C10orf143: variants seen among roughly 807,000 people sequenced by gnomAD.
C10orf143 encodes the protein uncharacterized protein C10orf143.
intron 3 of C10orf143, among the ~76,000 whole-genome samples, chr10:130,069,765 T>A (rs1309692706): frequency 1.3e-5 from 2 of 152,204 alleles, no homozygotes; most frequent in African/African-American, 4.8e-5. Flanking sequence ...CATGAGTCAC[T>A]GTGGTCAGCC....
chr10:130,077,142 G>C (rs1861131236), intron 3 of C10orf143, among the ~76,000 whole-genome samples: 1 of 152,074 alleles, frequency 6.6e-6, no homozygotes, highest in African/African-American at 2.4e-5. Context: ...TGTAACAATG[G>C]TTACAATACG....
At chr10:130,054,209 A>G (rs1403983459) in intron 3 of C10orf143, among the ~76,000 whole-genome samples, 1 of 152,154 alleles carries the variant, frequency 6.6e-6, no homozygotes, top group Non-Finnish European at 1.5e-5. Context: ...GGCAAGCATC[A>G]TTCTATTCTG....
chr10:130,105,526 T>A (rs1057360140), intron 1 of C10orf143, among the ~76,000 whole-genome samples: 1 of 151,734 alleles, frequency 6.6e-6, no homozygotes, highest in Non-Finnish European at 1.5e-5. Context: ...AGGTCAGGAG[T>A]TCGAGACCAG....
intron 1 of C10orf143, among the ~76,000 whole-genome samples, chr10:130,092,974 T>C (rs964340212): frequency 7.9e-5 from 12 of 152,054 alleles, no homozygotes; most frequent in East Asian, 1.9e-4. Context: ...TAGTGGGAGA[T>C]TGTAACACCC....
At chr10:130,075,391 C>T (rs770328957) in intron 3 of C10orf143, among the ~76,000 whole-genome samples, 19 of 152,162 alleles carry the variant, frequency 1.2e-4, no homozygotes, top group South Asian at 2.1e-4. Context: ...GCCAAGCTTG[C>T]GGACTACTGA....
chr10:130,060,288 T>A (rs1217031104), downstream of C10orf143, among the ~76,000 whole-genome samples: 1 of 152,168 alleles, frequency 6.6e-6, no homozygotes, highest in South Asian at 2.1e-4. Flanking sequence ...CAGCACAACT[T>A]CTAGAATGTT....
At position 130,089,271 on chromosome 10, in the gene C10orf143, T is replaced by C. The variant is rs113187245; in HGVS notation, c.70-9370A>G. ...CCAAGCACACTGTAAACCTAAGTTA[T>C]AGTCCTGAATAAATTAAGGATCTTA... is the stretch of plus-strand genomic sequence containing the variant. On this transcript the variant is annotated intron_variant, in intron 1 of 3. Transcript: ENST00000637128. Among the ~76,000 whole-genome samples the C allele has an allele frequency of 5.6e-4, 86 of 152,346 alleles. 1 individual carries two copies. The highest frequency in any genetic ancestry group is 1.9e-3 in the African/African-American group (80 of 41,594).
At chr10:130,077,621 C>T (rs1402094847) in intron 3 of C10orf143, among the ~76,000 whole-genome samples, 1 of 152,246 alleles carries the variant, frequency 6.6e-6, no homozygotes, top group African/African-American at 2.4e-5. Flanking sequence ...TTAATAAAGT[C>T]TTCTGAAATT....
intron 3 of C10orf143, among the ~76,000 whole-genome samples, chr10:130,052,612 G>A (rs1180459501): frequency 2.6e-5 from 4 of 152,176 alleles, no homozygotes; most frequent in East Asian, 1.9e-4. Context: ...CCCTCACCTT[G>A]TCATCATAGA....
At chr10:130,052,909 A>T (rs1056524194) in intron 3 of C10orf143, among the ~76,000 whole-genome samples, 2 of 152,220 alleles carry the variant, frequency 1.3e-5, no homozygotes, top group African/African-American at 4.8e-5. Flanking sequence ...GTAGTGGTGG[A>T]GGTCATTCGT....
At chr10:130,049,292 C>T (rs1192266509) in intron 3 of C10orf143, among the ~76,000 whole-genome samples, 1 of 152,222 alleles carries the variant, frequency 6.6e-6, no homozygotes, top group Non-Finnish European at 1.5e-5. Context: ...GGGGCTCGGG[C>T]AAGCTCCCCC....
rs1173013232 is a variant in C10orf143 at position 130,056,346 on chromosome 10, C to T, written c.298-20376G>A. Among the ~76,000 whole-genome samples, 1 of 152,086 alleles carries T rather than the reference C, an allele frequency of 6.6e-6. No homozygotes were observed. Among genetic ancestry groups the T allele is most frequent in the South Asian group, 2.1e-4 (1 of 4,822 alleles). ...TCAGGGGTGGGGGTGCCGTCATGAG[C>T]AGGATGAGGGCAGCACCCCTGAGAG... On this transcript the variant is annotated intron_variant and NMD_transcript_variant, in intron 3 of 5. Coordinates refer to the C10orf143 transcript ENST00000643056. This position sits in a 1 kb window ranked among gnomAD's most constrained non-coding sequence, Gnocchi z 4.6.
rs561119150 is a variant in C10orf143, at chr10:130,056,342, T to C, written c.298-20372A>G. Among the ~76,000 whole-genome samples, 11 of 152,200 alleles carry C rather than the reference T, an allele frequency of 7.2e-5. No homozygotes were observed. In the South Asian group the frequency reaches 2.3e-3, roughly 32 times the overall value. ...AAGATCAGGGGTGGGGGTGCCGTCA[T>C]GAGCAGGATGAGGGCAGCACCCCTG... On this transcript the variant is annotated intron_variant and NMD_transcript_variant, in intron 3 of 5. Transcript: ENST00000643056. This position sits in a 1 kb window ranked among gnomAD's most constrained non-coding sequence, Gnocchi z 4.6.
rs1424884406 is a variant in C10orf143 at position 130,065,080 on chromosome 10, C to T, written c.298-697G>A. 1.3e-5 allele frequency: 2 copies of T among 152,428 alleles called. No homozygotes were observed. The highest frequency in any genetic ancestry group is 4.8e-5 in the African/African-American group (2 of 41,470). 9.4% of individuals were successfully genotyped at this position (152,428 alleles called of 1,614,324 possible). On this transcript the variant is annotated intron_variant, in intron 3 of 3. Transcript: ENST00000637128. This position sits in a 1 kb window ranked among gnomAD's most constrained non-coding sequence, Gnocchi z 4.2. The stretch of plus-strand genomic sequence containing the variant: ...GACTCCACCATCAGGGCAACAGGCT[C>T]CTGAGCTGGCTGCAGCCCAGGAAGG...
chr10:130,040,679 A>G (rs375411101), intron 3 of C10orf143, among the ~76,000 whole-genome samples: 1 of 152,170 alleles, frequency 6.6e-6, no homozygotes, highest in African/African-American at 2.4e-5. Flanking sequence ...CTAAAAATAC[A>G]AAAATTACCC....
At chr10:130,038,947 G>A (rs1353395089) in intron 3 of C10orf143, among the ~76,000 whole-genome samples, 1 of 152,152 alleles carries the variant, frequency 6.6e-6, no homozygotes, top group Non-Finnish European at 1.5e-5. Flanking sequence ...ACGCAGGGAG[G>A]GGCTTGACTG....
chr10:130,039,637 G>A (rs1860584343), intron 3 of C10orf143, among the ~76,000 whole-genome samples: 3 of 152,118 alleles, frequency 2.0e-5, no homozygotes, highest in Admixed American at 1.3e-4. Context: ...AGCTATCTGG[G>A]TATCCTGTGG....
At chr10:130,101,929 A>G (rs1861564321) in intron 1 of C10orf143, among the ~76,000 whole-genome samples, 2 of 150,790 alleles carry the variant, frequency 1.3e-5, no homozygotes, top group South Asian at 2.1e-4. Flanking sequence ...TCACCAGCAA[A>G]CCTGTCCTAT....
intron 1 of C10orf143, among the ~76,000 whole-genome samples, chr10:130,097,804 G>A (rs1280623706): frequency 6.6e-6 from 1 of 152,182 alleles, no homozygotes; most frequent in Admixed American, 6.5e-5. Context: ...GAAGCCAGCT[G>A]CAGGAGACCC....
Sources: allele counts gnomAD v4.1 joint callset (sites outside exome capture counted in the v4.1 genomes callset), GRCh38; gene constraint gnomAD v4.1.1; non-coding constraint Gnocchi (gnomAD v3.1); transcripts MANE v1.5; gene names NCBI Gene and HGNC (gene_info 2026-07-23, HGNC 2026-07-21).